The following WDR70 variants were observed in gnomAD, a reference collection of about 807,000 sequenced individuals.
WDR70 encodes WD repeat-containing protein 70.
WDR70 carries 53 observed loss-of-function variants against 88.6 expected under a neutral mutation model. The ratio of observed to expected loss-of-function variants is 0.60; its 90% CI spans 0.48 to 0.75. The LOEUF (loss-of-function observed/expected upper bound fraction) is 0.75. Among genes scored for constraint, WDR70 ranks in the 30% least tolerant of loss-of-function variants. The pLI is 0.00. For synonymous variants in WDR70, 280 were observed against 270.0 expected (o/e 1.04, Z -0.36); for missense variants, 610 against 823.2 (o/e 0.74, Z 3.17).
At chr5:37,713,285 C>A (rs920059948) in intron 13 of WDR70, among the ~76,000 whole-genome samples, 1 of 152,138 alleles carries the variant, frequency 6.6e-6, no homozygotes, top group African/African-American at 2.4e-5. Flanking sequence ...AATAGTTTAT[C>A]CATTTCCTAG....
rs569700775 is a variant in WDR70, at chr5:37,676,597, G to A, written c.1093-21058G>A. ...CAGGGATGAAGCCCACTTGATCATC[G>A]TGGATAAGCTTTTTGATGTGCTGCT... On this transcript the variant is annotated intron_variant, in intron 10 of 17. Transcript: ENST00000265107. Among the ~76,000 whole-genome samples, 26 of 152,126 alleles carry A rather than the reference G, an allele frequency of 1.7e-4. 1 individual carries two copies. The highest frequency in any genetic ancestry group is 1.6e-3 in the Admixed American group (25 of 15,286).
At chr5:37,606,457 A>G (rs1413182431) in intron 10 of WDR70, among the ~76,000 whole-genome samples, 1 of 152,210 alleles carries the variant, frequency 6.6e-6, no homozygotes, top group East Asian at 1.9e-4. Context: ...ATTATAAAAC[A>G]TGCAGTTTTC....
In WDR70 at chr5:37,580,858, C is replaced by T. The variant is rs965375672; in HGVS notation, c.918-24206C>T. Among the ~76,000 whole-genome samples the T allele has an allele frequency of 2.0e-5, 3 of 152,128 alleles. 1 individual carries two copies. The South Asian group carries it at 6.2e-4, about 32-fold the overall frequency. ...ATTTGTTAATTTGATTGCTTGTTTT[C>T]ACACACCTTACCTCATTCCAAAAAT... On this transcript the variant is annotated intron_variant, in intron 9 of 17. Transcript: ENST00000265107.
At chr5:37,617,843 C>T (rs1351295365) in intron 10 of WDR70, among the ~76,000 whole-genome samples, 1 of 152,138 alleles carries the variant, frequency 6.6e-6, no homozygotes, top group Non-Finnish European at 1.5e-5. Flanking sequence ...AACATATACA[C>T]TGCCTAGATG....
At chr5:37,689,961 C>T (rs565577043) in intron 10 of WDR70, among the ~76,000 whole-genome samples, 7 of 151,952 alleles carry the variant, frequency 4.6e-5, no homozygotes, top group South Asian at 2.1e-4. Context: ...CTAAAAACCT[C>T]GAAAAAAGGT....
chr5:37,401,108 C>T (rs1023883713), intron 5 of WDR70, among the ~76,000 whole-genome samples: 4 of 151,698 alleles, frequency 2.6e-5, no homozygotes, highest in Non-Finnish European at 5.9e-5. Context: ...AAGTGATCCT[C>T]CCACCTCAGC....
chr5:37,413,543 A>G (rs948438263), intron 5 of WDR70, among the ~76,000 whole-genome samples: 1 of 151,896 alleles, frequency 6.6e-6, no homozygotes, highest in African/African-American at 2.4e-5. Flanking sequence ...GAATATGGTG[A>G]ATCCCTGTCT....
At chr5:37,655,934 T>G (rs1207759335) in intron 10 of WDR70, among the ~76,000 whole-genome samples, 1 of 152,102 alleles carries the variant, frequency 6.6e-6, no homozygotes, top group Non-Finnish European at 1.5e-5. Context: ...TGAAGCCTAC[T>G]TTTGTCAACT....
At chr5:37,722,578 A>G (rs1747853924) in intron 14 of WDR70, 1 of 365,900 alleles carries the variant, frequency 2.7e-6, no homozygotes, top group Non-Finnish European at 5.0e-6. Flanking sequence ...AAAATTTCAC[A>G]TTATTCCTAT....
intron 15 of WDR70, chr5:37,723,596 G>C (rs1477967472): frequency 6.6e-6 from 1 of 152,288 alleles, no homozygotes; most frequent in Admixed American, 6.5e-5. Context: ...ATCATTAGTG[G>C]ATGGCCCTGT....
At chr5:37,478,310 T>C (rs1739548761) in intron 7 of WDR70, among the ~76,000 whole-genome samples, 1 of 152,196 alleles carries the variant, frequency 6.6e-6, no homozygotes. Flanking sequence ...CCAACAAAAG[T>C]TTCAGCAATT....
At position 37,452,892 on chromosome 5, in the gene WDR70, T is replaced by C. The variant is rs191157910; in HGVS notation, c.686+9520T>C. Among the ~76,000 whole-genome samples, 734 of 152,304 alleles carry C rather than the reference T, an allele frequency of 4.8e-3. 5 individuals carry two copies. Among genetic ancestry groups the C allele is most frequent in the African/African-American group, 0.017 (691 of 41,560 alleles). On this transcript the variant is annotated intron_variant, in intron 7 of 17. Transcript: ENST00000265107. Reference sequence around the variant, plus strand: ...CCCCATAGCTATTCAGGAAGGGAGATAGAAGTCCAAGTCTAGGAGTGAAGC... The same window carrying C: ...CCCCATAGCTATTCAGGAAGGGAGACAGAAGTCCAAGTCTAGGAGTGAAGC...
At chr5:37,442,572 C>T (rs1357945361) in intron 6 of WDR70, among the ~76,000 whole-genome samples, 1 of 152,134 alleles carries the variant, frequency 6.6e-6, no homozygotes, top group East Asian at 1.9e-4. Context: ...ATCTCCCTGC[C>T]TTGGCCTCCC....
intron 4 of WDR70, among the ~76,000 whole-genome samples, chr5:37,393,188 C>T (rs1748899488): frequency 6.6e-6 from 1 of 151,752 alleles, no homozygotes; most frequent in Non-Finnish European, 1.5e-5. Flanking sequence ...GTTACAGGTG[C>T]CCACCACCAT....
chr5:37,735,788 A>T (rs1218275566), intron 17 of WDR70, among the ~76,000 whole-genome samples: 1 of 152,058 alleles, frequency 6.6e-6, no homozygotes. Flanking sequence ...TTTTTTCTTC[A>T]CTGCAATTGA....
intron 9 of WDR70, among the ~76,000 whole-genome samples, chr5:37,531,374 T>C (rs764250544): frequency 6.6e-6 from 1 of 152,140 alleles, no homozygotes; most frequent in Non-Finnish European, 1.5e-5. Context: ...CAGTGGAGTA[T>C]TGAAGTCCCC....
chr5:37,449,158 T>G (rs1167086882), intron 7 of WDR70, among the ~76,000 whole-genome samples: 5 of 152,228 alleles, frequency 3.3e-5, no homozygotes, highest in African/African-American at 9.6e-5. Context: ...AATAAACTTT[T>G]TGGTTTTCTT....
At chr5:37,468,066 G>A (rs1386951789) in intron 7 of WDR70, among the ~76,000 whole-genome samples, 7 of 151,972 alleles carry the variant, frequency 4.6e-5, no homozygotes, top group Non-Finnish European at 1.0e-4. Context: ...AACCAGGATG[G>A]TGTCGATCTC....
intron 3 of WDR70, 150 bp downstream of exon 3, chr5:37,381,835 C>T (rs1350074920): frequency 1.4e-5 from 8 of 571,152 alleles, no homozygotes; most frequent in Non-Finnish European, 2.4e-5. Flanking sequence ...GGGCAGATCA[C>T]CTGAGGTCAG....
Sources: allele counts gnomAD v4.1 joint callset (sites outside exome capture counted in the v4.1 genomes callset), GRCh38; gene constraint gnomAD v4.1.1; transcripts MANE v1.5; gene names NCBI Gene and HGNC (gene_info 2026-07-23, HGNC 2026-07-21).